The following CEP44 variants were observed in gnomAD, a reference collection of about 807,000 sequenced individuals.
The protein encoded by CEP44 is centrosomal protein 44.
Under a neutral mutation model 46.7 loss-of-function variants are expected in CEP44, and 45 were observed. The ratio of observed to expected loss-of-function variants is 0.96; its 90% CI spans 0.76 to 1.24. The LOEUF (loss-of-function observed/expected upper bound fraction) is 1.24. Among genes scored for constraint, CEP44 ranks in the 50% most tolerant of loss-of-function variants. The pLI is 0.00. For synonymous variants in CEP44, 142 were observed against 146.0 expected (o/e 0.97, Z 0.20); for missense variants, 475 against 459.7 (o/e 1.03, Z -0.30).
chr4:174,301,948 A>G lies in CEP44; in HGVS notation c.90-91A>G. 1.8e-6 allele frequency: 2 copies of G among 1,123,536 alleles called. No homozygotes were observed. Among genetic ancestry groups the G allele is most frequent in the Admixed American group, 2.9e-5 (1 of 34,422 alleles). 69.6% of individuals were successfully genotyped at this position (1,123,536 alleles called of 1,614,324 possible). A position where few individuals can be genotyped will look rare whatever the true frequency, so the allele number is the denominator to read the frequency against. On this transcript the variant is annotated intron_variant, in intron 3 of 11. Transcript: ENST00000503780. The surrounding 1 kb of genome is among the most constrained non-coding windows in gnomAD (Gnocchi z 4.3). ...ATAGTGTTAAGTTTTAAATTATTAT[A>G]AACATTTCTAATATTTTCTTGATTA... is the stretch of plus-strand genomic sequence containing the variant.
At chr4:174,315,248 G>A (rs1161016621) in intron 9 of CEP44, among the ~76,000 whole-genome samples, 1 of 119,938 alleles carries the variant, frequency 8.3e-6, no homozygotes, top group Non-Finnish European at 1.8e-5. Context: ...TTTTTTTTTT[G>A]CATTGCTTTT....
intron 8 of CEP44, among the ~76,000 whole-genome samples, chr4:174,330,101 C>G (rs1731238145): frequency 3.3e-5 from 5 of 152,102 alleles, no homozygotes; most frequent in Admixed American, 2.6e-4. Flanking sequence ...AGTCAAAGAT[C>G]AAGTTGTACC....
At chr4:174,313,788 T>C (rs543267510) in intron 9 of CEP44, among the ~76,000 whole-genome samples, 1 of 152,020 alleles carries the variant, frequency 6.6e-6, no homozygotes, top group South Asian at 2.1e-4. Flanking sequence ...TGAAGGAGAG[T>C]AAGGAAGGTA....
chr4:174,314,216 T>A lies in CEP44; in HGVS notation c.962-1950T>A, dbSNP rs555150164. On this transcript the variant is annotated intron_variant, in intron 9 of 11. Coordinates refer to ENST00000503780, the MANE Select transcript of CEP44 (RefSeq NM_001040157.3). This position sits in a 1 kb window ranked among gnomAD's most constrained non-coding sequence, Gnocchi z 4.1. Reference sequence around the variant, plus strand: ...CTACTGAAGTACATAACAACTGGTGTCAGGGTCCTTGTGTCAGTGGCCATT... The same window carrying A: ...CTACTGAAGTACATAACAACTGGTGACAGGGTCCTTGTGTCAGTGGCCATT... 6.4e-4 allele frequency among the ~76,000 whole-genome samples: 97 copies of A among 152,310 alleles called. No homozygotes were observed. The South Asian group carries it at 0.019, about 29-fold the overall frequency.
chr4:174,303,987 T>A, intron 5 of CEP44, 138 bp downstream of exon 5: 1 of 727,796 alleles, frequency 1.4e-6, no homozygotes, highest in South Asian at 2.6e-5. Context: ...TTGAGTAACC[T>A]TATAAAGCTT....
At chr4:174,313,402 C>T (rs1047445084) in intron 9 of CEP44, among the ~76,000 whole-genome samples, 6 of 147,906 alleles carry the variant, frequency 4.1e-5, no homozygotes, top group South Asian at 2.1e-4. Flanking sequence ...AAAAGGTGTG[C>T]TACCACAGAA....
intron 2 of CEP44, among the ~76,000 whole-genome samples, 180 bp from the exon 3 acceptor site, chr4:174,298,892 A>G (rs950017519): frequency 1.3e-5 from 2 of 152,198 alleles, no homozygotes; most frequent in Non-Finnish European, 2.9e-5. Flanking sequence ...GAGACACCCT[A>G]TATTCAGAAA....
In CEP44 at chr4:174,298,970, G is replaced by T. The variant is rs183743788; in HGVS notation, c.-50-102G>T. On this transcript the variant is annotated intron_variant, in intron 2 of 11. Transcript: ENST00000503780. ...GCTCGGGGAAAAAGAGCTAGGGTAAGATAAATATGGTAAGTGCCAATAGGA... is the reference window on the plus strand; with the variant it reads ...GCTCGGGGAAAAAGAGCTAGGGTAATATAAATATGGTAAGTGCCAATAGGA... The T allele has an allele frequency of 6.0e-5, 35 of 584,288 alleles. No homozygotes were observed. In the East Asian group the frequency reaches 9.7e-4, roughly 16 times the overall value. The allele number at this position is 584,288 out of a possible 1,614,324, so 36.2% of individuals were successfully genotyped here. A position where few individuals can be genotyped will look rare whatever the true frequency, so the allele number is the denominator to read the frequency against.
Position 174,316,522 on chromosome 4 carries a change from A to G in CEP44, c.1087-8A>G. The G allele has an allele frequency of 6.3e-7, 1 of 1,583,218 alleles. No homozygotes were observed. The highest frequency in any genetic ancestry group is 8.6e-7 in the Non-Finnish European group (1 of 1,161,366). ...AATCATCTAAATTTGTTGCTTTTTA[A>G]ATTAAAGGAAACAACAATCCAGAAA... On this transcript the variant is annotated splice_polypyrimidine_tract_variant and splice_region_variant and intron_variant, in intron 10 of 11. Coordinates refer to ENST00000503780, the MANE Select transcript of CEP44 (RefSeq NM_001040157.3).
intron 1 of CEP44, among the ~76,000 whole-genome samples, chr4:174,294,733 C>G (rs1405700702): frequency 7.1e-6 from 1 of 141,614 alleles, no homozygotes; most frequent in Non-Finnish European, 1.6e-5. Flanking sequence ...TGACCACCCC[C>G]CACCTCCCTG....
intron 8 of CEP44, among the ~76,000 whole-genome samples, chr4:174,330,456 T>TCTAGC (rs1014390416): frequency 6.7e-6 from 1 of 149,802 alleles, no homozygotes; most frequent in African/African-American, 2.5e-5. Context: ...ACCACTACAC[T>TCTAGC]CTAGCCTGGG....
Position 174,310,273 on chromosome 4 carries a change from G to T in CEP44, c.885+217G>T, listed in dbSNP as rs1740931349. On this transcript the variant is annotated intron_variant, in intron 8 of 11. Coordinates refer to ENST00000503780, the MANE Select transcript of CEP44 (RefSeq NM_001040157.3). This position sits in a 1 kb window ranked among gnomAD's most constrained non-coding sequence, Gnocchi z 4.2. ...ATAAGATAATCTGAAAAACTTGTCAGTTGAGCTTTTACAGATGTTAATAAT... is the reference window on the plus strand; with the variant it reads ...ATAAGATAATCTGAAAAACTTGTCATTTGAGCTTTTACAGATGTTAATAAT... Among the ~76,000 whole-genome samples the T allele has an allele frequency of 6.6e-6, 1 of 151,922 alleles. No individual in the cohort carries two copies. The highest frequency in any genetic ancestry group is 1.5e-5 in the Non-Finnish European group (1 of 67,882).
chr4:174,332,022 A>C (rs921052513), exon 9 of CEP44: 1 of 155,426 alleles, frequency 6.4e-6, no homozygotes, highest in Admixed American at 6.4e-5. Context: ...CAAAGATTAC[A>C]GAAGTGCTGA....
In CEP44 at chr4:174,290,114, A is replaced by G. The variant is rs926827386; in HGVS notation, c.-148+6171A>G. 9.9e-5 allele frequency among the ~76,000 whole-genome samples: 15 copies of G among 152,078 alleles called. No individual in the cohort carries two copies. The highest frequency in any genetic ancestry group is 3.6e-4 in the African/African-American group (15 of 41,422). ...AGTGACCCGCCTGCCTCAGCCCCCA[A>G]AAGTGCTAGGATTATAGGCGTGAGC... On this transcript the variant is annotated intron_variant, in intron 1 of 11. Coordinates refer to ENST00000503780, the MANE Select transcript of CEP44 (RefSeq NM_001040157.3). The surrounding 1 kb of genome is among the most constrained non-coding windows in gnomAD (Gnocchi z 4.3).
chr4:174,319,776 C>G lies in CEP44; in HGVS notation c.*2393C>G, dbSNP rs1343931324. The G allele has an allele frequency of 1.1e-6, 1 of 902,260 alleles. No individual in the cohort carries two copies. Among genetic ancestry groups the G allele is most frequent in the Non-Finnish European group, 1.3e-6 (1 of 756,298 alleles). The allele number at this position is 902,260 out of a possible 1,614,324, so 55.9% of individuals were successfully genotyped here. ...TCATACATTTACACTTACAAAGAGTCTTTATCTAGACAACATAATTTTTGG... is the reference window on the plus strand; with the variant it reads ...TCATACATTTACACTTACAAAGAGTGTTTATCTAGACAACATAATTTTTGG... On this transcript the variant is annotated 3_prime_UTR_variant, in exon 12 of 12. Coordinates refer to ENST00000503780, the MANE Select transcript of CEP44 (RefSeq NM_001040157.3).
At chr4:174,328,396 T>G (rs1479880724) in intron 8 of CEP44, among the ~76,000 whole-genome samples, 1 of 152,228 alleles carries the variant, frequency 6.6e-6, no homozygotes, top group Non-Finnish European at 1.5e-5. Flanking sequence ...CTAGTTTTTC[T>G]AAGAAATAAA....
At position 174,318,768 on chromosome 4, in the gene CEP44, A is replaced by G. The variant is rs1742011651; in HGVS notation, c.*1385A>G. 6 of 791,852 alleles carry G rather than the reference A, an allele frequency of 7.6e-6. No homozygotes were observed. The highest frequency in any genetic ancestry group is 1.9e-5 in the African/African-American group (1 of 53,226). 49.1% of individuals were successfully genotyped at this position (791,852 alleles called of 1,614,324 possible). ...TGTGTTTGTGAATTTGAAACAGTGTAAGAAATCACTTTTAAGAAAACATTT... is the reference window on the plus strand; with the variant it reads ...TGTGTTTGTGAATTTGAAACAGTGTGAGAAATCACTTTTAAGAAAACATTT... On this transcript the variant is annotated 3_prime_UTR_variant, in exon 12 of 12. Transcript: ENST00000503780.
chr4:174,327,078 T>G (rs1322757799), intron 8 of CEP44, among the ~76,000 whole-genome samples: 1 of 150,692 alleles, frequency 6.6e-6, no homozygotes, highest in Non-Finnish European at 1.5e-5. Flanking sequence ...TACTTCTAGA[T>G]AGGAGCCATA....
At chr4:174,308,610 C>T in intron 6 of CEP44, 79 bp from the exon 7 acceptor site, 1 of 1,396,648 alleles carries the variant, frequency 7.2e-7, no homozygotes. Flanking sequence ...CACATGGACC[C>T]CTGAACTTAA....
Sources: gnomAD v4.1 joint callset for allele counts (sites outside exome capture counted in the v4.1 genomes callset) on GRCh38, gnomAD v4.1.1 for gene constraint, Gnocchi (gnomAD v3.1) non-coding constraint, MANE v1.5 for transcripts, NCBI Gene and HGNC (gene_info 2026-07-23, HGNC 2026-07-21) for gene names.